The following MKLN1 variants were observed in gnomAD, a reference collection of about 807,000 sequenced individuals.
MKLN1 encodes muskelin.
Under a neutral mutation model 99.0 loss-of-function variants are expected in MKLN1, and 18 were observed. The ratio of observed to expected loss-of-function variants is 0.18; its 90% CI spans 0.13 to 0.27. The LOEUF is 0.27. Among genes scored for constraint, MKLN1 ranks in the 10% least tolerant of loss-of-function variants. The pLI is 1.00. For synonymous variants in MKLN1, 288 were observed against 293.2 expected, an observed-to-expected ratio of 0.98 and a Z score of 0.18; for missense variants, 621 against 875.9, an observed-to-expected ratio of 0.71 and a Z score of 3.67.
intron 2 of MKLN1, among the ~76,000 whole-genome samples, chr7:131,201,812 C>T (rs549228814): frequency 6.6e-6 from 1 of 152,278 alleles, no homozygotes; most frequent in East Asian, 1.9e-4. Flanking sequence ...TGAATATGTT[C>T]AGTTCCTGTT....
intron 15 of MKLN1, among the ~76,000 whole-genome samples, chr7:131,468,258 G>A (rs977937873): frequency 6.6e-6 from 1 of 152,114 alleles, no homozygotes; most frequent in African/African-American, 2.4e-5. Flanking sequence ...GACAATAAAA[G>A]GCTTATTTTA....
chr7:131,463,299 T>C lies in MKLN1; in HGVS notation c.1608T>C (p.Asp536=). The change falls in exon 13 of 18, where the codon GAT becomes GAC. Residue 536 remains aspartate (D), a synonymous_variant. Coordinates refer to ENST00000352689, the MANE Select transcript of MKLN1 (RefSeq NM_013255.5). ...ACGTCTTATCTGGACTCAGCAAAGA[T>C]AAGGAAAAGAGGGAAGAAAATGTTA... ...EIHVLSGLSK[D]KEKREENVRN... The C allele has an allele frequency of 6.2e-7, 1 of 1,612,384 alleles. No homozygotes were observed. The highest frequency in any genetic ancestry group is 8.5e-7 in the Non-Finnish European group (1 of 1,179,316).
At chr7:131,185,214 A>G (rs534623760) in intron 2 of MKLN1, among the ~76,000 whole-genome samples, 1 of 151,870 alleles carries the variant, frequency 6.6e-6, no homozygotes, top group Non-Finnish European at 1.5e-5. Context: ...CAATTCTCTG[A>G]CTCCTAACCT....
At chr7:131,368,548 GGAGA>G (rs932259292) in intron 1 of MKLN1, among the ~76,000 whole-genome samples, 1 of 152,154 alleles carries the variant, frequency 6.6e-6, no homozygotes, top group African/African-American at 2.4e-5. Flanking sequence ...CATGGCAGCA[GGAGA>G]GAAAGAGAAT....
At chr7:131,466,444 A>T in intron 15 of MKLN1, 29 bp downstream of exon 15, 1 of 1,482,236 alleles carries the variant, frequency 6.7e-7, no homozygotes, top group Non-Finnish European at 9.2e-7. Flanking sequence ...GAAAACATTT[A>T]ATTAACATTA....
At chr7:131,192,762 G>A (rs529020945) in intron 2 of MKLN1, among the ~76,000 whole-genome samples, 5 of 151,628 alleles carry the variant, frequency 3.3e-5, no homozygotes, top group Admixed American at 6.6e-5. Context: ...GGCTGGTCTC[G>A]AACTCCTGAC....
At chr7:131,257,569 CA>C (rs1563269646) in intron 3 of MKLN1, among the ~76,000 whole-genome samples, 1 of 152,146 alleles carries the variant, frequency 6.6e-6, no homozygotes, top group Non-Finnish European at 1.5e-5. Context: ...CTGAATCTTG[CA>C]ATTTTATCAC....
intron 3 of MKLN1, among the ~76,000 whole-genome samples, chr7:131,212,089 A>G (rs1584838570): frequency 6.6e-6 from 1 of 152,364 alleles, no homozygotes; most frequent in African/African-American, 2.4e-5. Flanking sequence ...GAAGCTGTTC[A>G]TCACTACAAA....
intron 8 of MKLN1, among the ~76,000 whole-genome samples, chr7:131,417,009 A>G (rs1451780970): frequency 1.3e-5 from 2 of 151,656 alleles, no homozygotes; most frequent in Admixed American, 6.6e-5. Flanking sequence ...AAAAACTCAA[A>G]GAGGAAAAAT....
intron 16 of MKLN1, among the ~76,000 whole-genome samples, chr7:131,473,365 AT>A (rs918528403): frequency 1.3e-4 from 19 of 149,980 alleles, no homozygotes; most frequent in East Asian, 3.9e-4. Flanking sequence ...TGTTTTTTAG[AT>A]TTTTTTTTTC....
chr7:131,449,327 C>A (rs1484658259), intron 12 of MKLN1, among the ~76,000 whole-genome samples: 1 of 152,156 alleles, frequency 6.6e-6, no homozygotes, highest in Non-Finnish European at 1.5e-5. Context: ...TGCCTTGTTA[C>A]AAATGCAAGG....
chr7:131,171,546 C>T (rs1020914344), intron 2 of MKLN1, among the ~76,000 whole-genome samples: 3 of 152,088 alleles, frequency 2.0e-5, no homozygotes, highest in Admixed American at 1.3e-4. Flanking sequence ...CAACCTCTGC[C>T]TCATGGGTTC....
At chr7:131,359,060 GT>G (rs771374912) in intron 1 of MKLN1, among the ~76,000 whole-genome samples, 3 of 151,704 alleles carry the variant, frequency 2.0e-5, no homozygotes, top group Admixed American at 2.0e-4. Flanking sequence ...TTTCTGCTTT[GT>G]TTATGCTTCA....
intron 3 of MKLN1, among the ~76,000 whole-genome samples, chr7:131,303,964 T>G (rs1798414929): frequency 6.6e-6 from 1 of 152,188 alleles, no homozygotes; most frequent in Non-Finnish European, 1.5e-5. Context: ...AATAATACAC[T>G]AGTGAGAAGA....
At chr7:131,455,900 G>C (rs1283793329) in intron 12 of MKLN1, among the ~76,000 whole-genome samples, 1 of 152,138 alleles carries the variant, frequency 6.6e-6, no homozygotes, top group East Asian at 1.9e-4. Flanking sequence ...AAAAAAGTTA[G>C]CCTGGTGTGG....
At chr7:131,170,605 C>A (rs1207875811) in intron 2 of MKLN1, among the ~76,000 whole-genome samples, 2 of 152,176 alleles carry the variant, frequency 1.3e-5, no homozygotes, top group Non-Finnish European at 2.9e-5. Flanking sequence ...CCCTCACAAC[C>A]TTTTCCCACA....
chr7:131,412,923 A>C (rs949894661), intron 7 of MKLN1, among the ~76,000 whole-genome samples: 1 of 152,212 alleles, frequency 6.6e-6, no homozygotes, highest in Non-Finnish European at 1.5e-5. Context: ...ATGTTACATG[A>C]ACATCATTCT....
At chr7:131,396,015 G>A (rs1242586098) in intron 4 of MKLN1, among the ~76,000 whole-genome samples, 1 of 150,764 alleles carries the variant, frequency 6.6e-6, no homozygotes, top group African/African-American at 2.5e-5. Context: ...TATAGGAAAA[G>A]TTGATTTTTG....
At chr7:131,324,289 C>T (rs892135001), upstream of MKLN1, 14 of 152,356 alleles carry the variant, frequency 9.2e-5, no homozygotes, top group African/African-American at 3.4e-4. Context: ...TTCCGGAGAA[C>T]TCATCTGAAA....
Sources: allele counts gnomAD v4.1 joint callset (sites outside exome capture counted in the v4.1 genomes callset), GRCh38; gene constraint gnomAD v4.1.1; transcripts MANE v1.5; gene names NCBI Gene and HGNC (gene_info 2026-07-23, HGNC 2026-07-21).